Variants in NHSL2 observed in about 807,000 individuals in gnomAD.
NHSL2 encodes the protein NHS like 2.
Under a neutral mutation model 53.4 loss-of-function variants are expected in NHSL2, and 27 were observed. The ratio of observed to expected loss-of-function variants is 0.51; its 90% CI spans 0.37 to 0.70. The LOEUF (loss-of-function observed/expected upper bound fraction) is 0.70, where lower values mean the gene tolerates loss of function less well. Ranked by LOEUF, NHSL2 falls within the 30% of genes least tolerant of loss-of-function variation. The probability of loss-of-function intolerance (pLI) is 0.00; values close to 1 mark genes in which losing one functional copy is unlikely to be tolerated. For missense variants in NHSL2, 892 were observed against 980.1 expected (o/e 0.91, Z 1.20); for synonymous variants, 408 against 404.1 (o/e 1.01, Z -0.12).
intron 1 of NHSL2, among the ~76,000 whole-genome samples, chrX:72,061,069 G>A: frequency 8.9e-6 from 1 of 112,411 alleles, no homozygotes; most frequent in Non-Finnish European, 1.9e-5. Context: ...CCAAAGGAAA[G>A]AATGGTTTTT....
At chrX:72,075,639 T>TAG (rs2041734569) in intron 1 of NHSL2, among the ~76,000 whole-genome samples, 1 of 111,989 alleles carries the variant, frequency 8.9e-6, no homozygotes, top group African/African-American at 3.2e-5. Context: ...TTACAAGCTG[T>TAG]GTGTCTTCAG....
At chrX:72,014,947 GT>G (rs1200821601) in intron 1 of NHSL2, among the ~76,000 whole-genome samples, 1 of 110,314 alleles carries the variant, frequency 9.1e-6, no homozygotes, top group African/African-American at 3.3e-5. Flanking sequence ...GAAAAGCTAT[GT>G]TTTCAACCCC....
intron 1 of NHSL2, among the ~76,000 whole-genome samples, chrX:72,061,550 A>G (rs2042399154): frequency 8.9e-6 from 1 of 111,869 alleles, no homozygotes; most frequent in Admixed American, 9.4e-5. Flanking sequence ...CTGGACTACT[A>G]CGATAGCCTC....
chrX:71,946,947 A>AG (rs2041795403), intron 1 of NHSL2, among the ~76,000 whole-genome samples: 2 of 112,186 alleles, frequency 1.8e-5, no homozygotes, highest in South Asian at 7.4e-4. Context: ...CATGTGATAA[A>AG]GGGCCCAGCA....
chrX:72,064,831 C>T (rs747688003), intron 1 of NHSL2, among the ~76,000 whole-genome samples: 1 of 112,008 alleles, frequency 8.9e-6, no homozygotes, highest in African/African-American at 3.2e-5. Flanking sequence ...ACTGGGTGCT[C>T]CTGGCTGGGC....
chrX:72,048,070 GATAACAATAATAATAATAATA>G (rs1281516391), intron 1 of NHSL2, among the ~76,000 whole-genome samples: 3 of 101,793 alleles, frequency 2.9e-5, no homozygotes, highest in African/African-American at 7.4e-5. Flanking sequence ...CACTCATGAT[GATAACAATAATAATAATAATA>G]ATAATAATAA....
chrX:72,050,642 C>G (rs1361518204), intron 1 of NHSL2, among the ~76,000 whole-genome samples: 5 of 111,300 alleles, frequency 4.5e-5, no homozygotes, highest in African/African-American at 1.6e-4. Flanking sequence ...GCCTATAATC[C>G]CAGCACTTTG....
intron 1 of NHSL2, among the ~76,000 whole-genome samples, chrX:71,948,222 A>T (rs2041802283): frequency 8.9e-6 from 1 of 112,344 alleles, no homozygotes; most frequent in African/African-American, 3.2e-5. Flanking sequence ...TGTTGTGTTG[A>T]GGCAGTTTGG....
chrX:72,022,193 G>T (rs1415144763), intron 1 of NHSL2, among the ~76,000 whole-genome samples: 2 of 112,091 alleles, frequency 1.8e-5, no homozygotes, highest in African/African-American at 6.5e-5. Context: ...TAGCAGTGCT[G>T]CCGCCTGTTG....
At chrX:72,017,246 C>A (rs926807204) in intron 1 of NHSL2, among the ~76,000 whole-genome samples, 1 of 112,579 alleles carries the variant, frequency 8.9e-6, no homozygotes, top group African/African-American at 3.2e-5. Context: ...CCACTGCTGA[C>A]ATAATACTCT....
At chrX:72,125,219 T>A (rs761781885) in intron 1 of NHSL2, among the ~76,000 whole-genome samples, 1 of 112,168 alleles carries the variant, frequency 8.9e-6, no homozygotes, top group East Asian at 2.8e-4. Flanking sequence ...CTAGTAAAGG[T>A]CATTTCAGTG....
At chrX:72,004,095 A>G (rs1180429240) in intron 1 of NHSL2, among the ~76,000 whole-genome samples, 1 of 112,322 alleles carries the variant, frequency 8.9e-6, no homozygotes, top group Non-Finnish European at 1.9e-5. Context: ...TGGTTTCCTG[A>G]TTTGGAAAAT....
chrX:72,089,571 A>G (rs888853740), intron 1 of NHSL2, among the ~76,000 whole-genome samples: 4 of 111,104 alleles, frequency 3.6e-5, no homozygotes, highest in African/African-American at 1.3e-4. Context: ...TAAGTGAAGA[A>G]AGATGAACAC....
At chrX:72,052,232 A>G (rs2042344604) in intron 1 of NHSL2, among the ~76,000 whole-genome samples, 1 of 111,873 alleles carries the variant, frequency 8.9e-6, no homozygotes, top group African/African-American at 3.3e-5. Flanking sequence ...GAAGGGTGAC[A>G]TGCGTGGTTA....
At chrX:72,052,660 A>G (rs2042347432) in intron 1 of NHSL2, among the ~76,000 whole-genome samples, 1 of 111,617 alleles carries the variant, frequency 9.0e-6, no homozygotes, top group South Asian at 3.8e-4. Context: ...CCAGGAGCAC[A>G]CGACACTCTC....
chrX:72,091,094 T>G (rs1338046172), intron 1 of NHSL2, among the ~76,000 whole-genome samples: 1 of 112,090 alleles, frequency 8.9e-6, no homozygotes, highest in Non-Finnish European at 1.9e-5. Context: ...TCATGTATCT[T>G]CATATGCACT....
chrX:72,038,854 T>C (rs1490877577), intron 1 of NHSL2, among the ~76,000 whole-genome samples: 1 of 111,091 alleles, frequency 9.0e-6, no homozygotes, highest in South Asian at 3.7e-4. Context: ...GATAAAGATA[T>C]CAAGGTATAT....
chrX:71,991,043 C>T (rs1250716626), intron 1 of NHSL2, among the ~76,000 whole-genome samples: 4 of 112,482 alleles, frequency 3.6e-5, no homozygotes, highest in African/African-American at 3.2e-5. Context: ...CTCATTTTGC[C>T]AAATAGTTGT....
rs1268728505 is a variant in NHSL2, at chrX:72,092,851, G to A, written c.281-39228G>A. On this transcript the variant is annotated intron_variant, in intron 1 of 7. Transcript: ENST00000633930. ...GTTCAAATCCTGACTATCACTAACTGTGGTGACCTTGGGCAAGTTTCTTGA... is the reference window on the plus strand; with the variant it reads ...GTTCAAATCCTGACTATCACTAACTATGGTGACCTTGGGCAAGTTTCTTGA... Among the ~76,000 whole-genome samples the A allele has an allele frequency of 2.7e-5, 3 of 111,749 alleles. No individual in the cohort carries two copies. The East Asian group carries it at 8.3e-4, about 31-fold the overall frequency.
Sources: gnomAD v4.1 joint callset for allele counts (sites outside exome capture counted in the v4.1 genomes callset) on GRCh38, gnomAD v4.1.1 for gene constraint, MANE v1.5 for transcripts, NCBI Gene and HGNC (gene_info 2026-07-23, HGNC 2026-07-21) for gene names.